The following CMTM7 variants were observed in gnomAD, a reference collection of about 807,000 sequenced individuals.
The protein encoded by CMTM7 is CKLF like MARVEL transmembrane domain containing 7, also known as CKLF-like MARVEL transmembrane domain-containing protein 7.
CMTM7 carries 7 observed loss-of-function variants against 19.3 expected under a neutral mutation model. The observed-to-expected ratio is 0.36, with a 90% CI of 0.21 to 0.68. The LOEUF is 0.68. Ranked by LOEUF, CMTM7 falls within the 30% of genes least tolerant of loss-of-function variation. The probability of loss-of-function intolerance (pLI) is 0.60; values close to 1 mark genes in which losing one functional copy is unlikely to be tolerated. For synonymous variants in CMTM7, 87 were observed against 99.3 expected (o/e 0.88, Z 0.74); for missense variants, 193 against 232.6 (o/e 0.83, Z 1.11).
chr3:32,441,560 C>T lies in CMTM7; in HGVS notation c.160-280C>T, dbSNP rs116456131. 8.2e-3 allele frequency among the ~76,000 whole-genome samples: 1,251 copies of T among 152,284 alleles called. 10 individuals are homozygous for T. Among genetic ancestry groups the T allele is most frequent in the Non-Finnish European group, 8.7e-3 (592 of 68,016 alleles). On this transcript the variant is annotated intron_variant, in intron 1 of 4. Coordinates refer to ENST00000334983, the MANE Select transcript of CMTM7 (RefSeq NM_138410.4). ...TTATTTTCTTGTTTTCCTGCTTCTTCTGAGGGGGCTTCCCGCTGGCACAAT... is the reference window on the plus strand; with the variant it reads ...TTATTTTCTTGTTTTCCTGCTTCTTTTGAGGGGGCTTCCCGCTGGCACAAT...
At chr3:32,399,263 GT>G (rs796825427) in intron 1 of CMTM7, among the ~76,000 whole-genome samples, 147 of 128,364 alleles carry the variant, frequency 1.1e-3, no homozygotes, top group Middle Eastern at 4.3e-3. Flanking sequence ...GGAACCTTTT[GT>G]TTTTTTTTTT....
chr3:32,395,251 C>G (rs1042683042), intron 1 of CMTM7, among the ~76,000 whole-genome samples: 8 of 152,084 alleles, frequency 5.3e-5, no homozygotes, highest in African/African-American at 1.9e-4. Flanking sequence ...GGGATCTGTC[C>G]ACCTCGGCCT....
At chr3:32,445,584 C>T (rs1191182734) in intron 2 of CMTM7, among the ~76,000 whole-genome samples, 2 of 152,084 alleles carry the variant, frequency 1.3e-5, no homozygotes, top group Non-Finnish European at 1.5e-5. Context: ...ATAATTATGG[C>T]TCACTGCAGC....
rs146444648 is a variant in CMTM7 at position 32,408,985 on chromosome 3, C to T, written c.159+16920C>T. 2.5e-3 allele frequency among the ~76,000 whole-genome samples: 381 copies of T among 152,042 alleles called. 1 individual carries two copies. Among genetic ancestry groups the T allele is most frequent in the African/African-American group, 8.9e-3 (368 of 41,448 alleles). On this transcript the variant is annotated intron_variant, in intron 1 of 4. Transcript: ENST00000334983. ...GCAACTTCCACCTCCCGGGTTCAAGCGGTTCTCTTGCCTCACCTCCTGAGT... is the reference window on the plus strand; with the variant it reads ...GCAACTTCCACCTCCCGGGTTCAAGTGGTTCTCTTGCCTCACCTCCTGAGT...
intron 1 of CMTM7, among the ~76,000 whole-genome samples, chr3:32,401,609 C>T (rs781083208): frequency 4.6e-5 from 7 of 152,394 alleles, no homozygotes; most frequent in Non-Finnish European, 7.3e-5. Flanking sequence ...CTGGCGCTTC[C>T]TGTGCAGCGC....
chr3:32,422,779 C>T (rs917123182), intron 1 of CMTM7, among the ~76,000 whole-genome samples: 3 of 152,220 alleles, frequency 2.0e-5, no homozygotes, highest in Non-Finnish European at 4.4e-5. Context: ...TACCCTCAAC[C>T]TACCAAACAT....
At chr3:32,400,050 G>A (rs554134553) in intron 1 of CMTM7, among the ~76,000 whole-genome samples, 1 of 152,238 alleles carries the variant, frequency 6.6e-6, no homozygotes, top group South Asian at 2.1e-4. Context: ...TTGAGACAGA[G>A]TCTCAGTTGC....
chr3:32,424,724 A>C (rs1430165489), intron 1 of CMTM7, among the ~76,000 whole-genome samples: 2 of 150,956 alleles, frequency 1.3e-5, no homozygotes, highest in Admixed American at 6.6e-5. Context: ...GGCTCACTGC[A>C]GTCTCAACCT....
chr3:32,421,479 C>T (rs17029438), intron 1 of CMTM7, among the ~76,000 whole-genome samples: 3,961 of 152,290 alleles, frequency 0.026, 68 homozygotes, highest in South Asian at 0.075. Context: ...CTCTGATTCC[C>T]CTTCTCTGTG....
chr3:32,407,005 A>G (rs1696100208), intron 1 of CMTM7, among the ~76,000 whole-genome samples: 2 of 152,352 alleles, frequency 1.3e-5, no homozygotes, highest in Non-Finnish European at 2.9e-5. Context: ...AGTTAGCAGC[A>G]GCACCCGCAG....
chr3:32,433,023 T>C (rs1404152170), intron 1 of CMTM7, among the ~76,000 whole-genome samples: 1 of 152,184 alleles, frequency 6.6e-6, no homozygotes, highest in Non-Finnish European at 1.5e-5. Flanking sequence ...CAGAAAATGC[T>C]CTTTTTGCAG....
chr3:32,445,686 T>G (rs2125642093), intron 2 of CMTM7, among the ~76,000 whole-genome samples: 1 of 152,098 alleles, frequency 6.6e-6, no homozygotes, highest in East Asian at 1.9e-4. Context: ...CTAATTTTTT[T>G]TTTGTTTTTG....
chr3:32,419,869 T>G (rs1047663509), intron 1 of CMTM7, among the ~76,000 whole-genome samples: 24 of 152,338 alleles, frequency 1.6e-4, no homozygotes, highest in African/African-American at 5.1e-4. Flanking sequence ...TTTGAGATAT[T>G]CATGTATTCA....
intron 1 of CMTM7, among the ~76,000 whole-genome samples, chr3:32,399,302 T>C (rs978962527): frequency 1.3e-5 from 2 of 151,356 alleles, no homozygotes; most frequent in African/African-American, 4.9e-5. Context: ...ATTAGGGTTA[T>C]ATTACATATA....
chr3:32,442,107 C>A, intron 2 of CMTM7, 94 bp downstream of exon 2: 1 of 1,176,878 alleles, frequency 8.5e-7, no homozygotes, highest in Non-Finnish European at 1.2e-6. Flanking sequence ...GTCTGCCCAT[C>A]TCACCTCTTT....
intron 1 of CMTM7, among the ~76,000 whole-genome samples, chr3:32,438,500 C>A (rs1054053066): frequency 6.8e-6 from 1 of 148,102 alleles, no homozygotes; most frequent in Non-Finnish European, 1.5e-5. Context: ...TTTTTTTTAA[C>A]TTAATATGCT....
intron 1 of CMTM7, among the ~76,000 whole-genome samples, chr3:32,394,000 G>C (rs868601177): frequency 2.0e-5 from 3 of 152,148 alleles, no homozygotes; most frequent in South Asian, 4.1e-4. Flanking sequence ...TTCTTTATCT[G>C]GTTGCTTATT....
chr3:32,402,601 C>T (rs1341497303), intron 1 of CMTM7, among the ~76,000 whole-genome samples: 2 of 151,986 alleles, frequency 1.3e-5, no homozygotes, highest in Non-Finnish European at 2.9e-5. Context: ...CTCACTTTGT[C>T]GCCCAGGCTG....
At position 32,452,431 on chromosome 3, in the gene CMTM7, A is replaced by C; in HGVS notation, c.472A>C (p.Ile158Leu). ...GGCCACCTTCCTCTGCATGGCAAGC[A>C]TATGGCTGTCCTATAAGATCTCGTG... ...FMATFLCMAS[I>L]WLSYKISCVT... The change falls in exon 4 of 5, where the codon ATA becomes CTA. Residue 158 changes from isoleucine to leucine, a missense_variant. Transcript: ENST00000334983. 1.2e-6 allele frequency: 2 copies of C among 1,614,152 alleles called. No individual in the cohort carries two copies. Among genetic ancestry groups the C allele is most frequent in the Non-Finnish European group, 1.7e-6 (2 of 1,180,038 alleles).
Sources: gnomAD v4.1 joint callset for allele counts (sites outside exome capture counted in the v4.1 genomes callset) on GRCh38, gnomAD v4.1.1 for gene constraint, MANE v1.5 for transcripts, NCBI Gene and HGNC (gene_info 2026-07-23, HGNC 2026-07-21) for gene names.